The following SMYD3 variants were observed in gnomAD, a reference collection of about 807,000 sequenced individuals.
The protein encoded by SMYD3 is SET and MYND domain containing 3, also known as histone-lysine N-methyltransferase SMYD3.
In SMYD3, 36 loss-of-function variants were observed where a neutral mutation model predicts 57.7. The ratio of observed to expected loss-of-function variants is 0.62; its 90% CI spans 0.48 to 0.82. The LOEUF is 0.82. Among genes scored for constraint, SMYD3 ranks in the 40% least tolerant of loss-of-function variants. SMYD3 has a pLI of 0.00. For synonymous variants in SMYD3, 211 were observed against 195.0 expected (o/e 1.08, Z -0.68); for missense variants, 515 against 538.8 (o/e 0.96, Z 0.44).
intron 7 of SMYD3, among the ~76,000 whole-genome samples, chr1:245,923,990 G>A (rs911549948): frequency 2.6e-5 from 4 of 152,220 alleles, no homozygotes; most frequent in Non-Finnish European, 5.9e-5. Flanking sequence ...AAAGACATCA[G>A]ATTAAGACTG....
At chr1:246,453,861 T>C (rs915027240) in intron 1 of SMYD3, among the ~76,000 whole-genome samples, 1 of 152,170 alleles carries the variant, frequency 6.6e-6, no homozygotes, top group African/African-American at 2.4e-5. Context: ...TTCTGCAAAC[T>C]GTTAGTAAAT....
chr1:246,045,828 A>G (rs999269079), intron 5 of SMYD3, among the ~76,000 whole-genome samples: 1 of 152,226 alleles, frequency 6.6e-6, no homozygotes, highest in South Asian at 2.1e-4. Context: ...ATGAACAGAC[A>G]CTTCTCAAAA....
intron 5 of SMYD3, among the ~76,000 whole-genome samples, chr1:245,994,762 A>T (rs2058888975): frequency 6.6e-6 from 1 of 152,070 alleles, no homozygotes; most frequent in Admixed American, 6.5e-5. Flanking sequence ...ACTAGGTGGT[A>T]TGAAGTGAGA....
chr1:246,349,121 A>C (rs2065777970), intron 2 of SMYD3, among the ~76,000 whole-genome samples: 1 of 152,214 alleles, frequency 6.6e-6, no homozygotes, highest in African/African-American at 2.4e-5. Context: ...AAAATTATAA[A>C]GGTTAGAAAC....
At position 245,953,749 on chromosome 1, in the gene SMYD3, C is replaced by T. The variant is rs189849285; in HGVS notation, c.532-23812G>A. On this transcript the variant is annotated intron_variant, in intron 5 of 11. Coordinates refer to ENST00000490107, the MANE Select transcript of SMYD3 (RefSeq NM_001167740.2). ...GGGTTCAGTTTTTAAAAATAAACAG[C>T]AGCAACAACAAAAACCCCACATGTA... is the stretch of plus-strand genomic sequence containing the variant. Among the ~76,000 whole-genome samples the T allele has an allele frequency of 3.4e-3, 514 of 152,242 alleles. 2 individuals carry two copies. The highest frequency in any genetic ancestry group is 0.011 in the African/African-American group (474 of 41,542).
intron 10 of SMYD3, chr1:245,814,447 AT>A (rs2048674340): frequency 1.1e-6 from 1 of 896,314 alleles, no homozygotes; most frequent in African/African-American, 1.8e-5. Context: ...AAACGAAAAA[AT>A]AAACAATAAA....
At chr1:246,259,947 G>A (rs1368945863) in intron 5 of SMYD3, among the ~76,000 whole-genome samples, 1 of 152,208 alleles carries the variant, frequency 6.6e-6, no homozygotes, top group Non-Finnish European at 1.5e-5. Context: ...AAATCCAGAA[G>A]AGCTCTGCCT....
chr1:246,038,023 T>TGGC (rs1316975583), intron 5 of SMYD3, among the ~76,000 whole-genome samples: 1 of 152,192 alleles, frequency 6.6e-6, no homozygotes, highest in East Asian at 1.9e-4. Flanking sequence ...CAAATGAGTG[T>TGGC]GGCTGTGTTC....
chr1:246,221,983 T>C (rs151049667), intron 5 of SMYD3, among the ~76,000 whole-genome samples: 93 of 152,240 alleles, frequency 6.1e-4, no homozygotes, highest in South Asian at 2.3e-3. Flanking sequence ...ACAATTCACA[T>C]AGGGTTGAAT....
intron 5 of SMYD3, among the ~76,000 whole-genome samples, chr1:246,088,228 ACTCT>A (rs548985101): frequency 6.0e-5 from 9 of 150,168 alleles, no homozygotes; most frequent in South Asian, 2.1e-4. Context: ...ACACACACAC[ACTCT>A]CTCTCTCTTT....
intron 5 of SMYD3, among the ~76,000 whole-genome samples, chr1:246,234,824 A>C (rs2063488507): frequency 6.6e-6 from 1 of 152,182 alleles, no homozygotes; most frequent in South Asian, 2.1e-4. Flanking sequence ...CACAATTTGG[A>C]ACTAGAATTA....
At chr1:246,498,194 T>C (rs1368687119) in intron 1 of SMYD3, among the ~76,000 whole-genome samples, 2 of 152,238 alleles carry the variant, frequency 1.3e-5, no homozygotes, top group Admixed American at 6.5e-5. Flanking sequence ...ACCCTGAAGA[T>C]ACACCAGCAA....
At chr1:246,114,136 G>A (rs2061303967) in intron 5 of SMYD3, among the ~76,000 whole-genome samples, 1 of 151,452 alleles carries the variant, frequency 6.6e-6, no homozygotes, top group Non-Finnish European at 1.5e-5. Context: ...CTCTGACAGG[G>A]GACAGTTTTA....
intron 5 of SMYD3, among the ~76,000 whole-genome samples, chr1:245,939,102 C>G (rs570314934): frequency 6.6e-6 from 1 of 151,488 alleles, no homozygotes; most frequent in South Asian, 2.1e-4. Context: ...AAGATCACAC[C>G]ACTGCACTCC....
At chr1:246,390,839 C>G (rs1264342147) in intron 1 of SMYD3, among the ~76,000 whole-genome samples, 1 of 152,044 alleles carries the variant, frequency 6.6e-6, no homozygotes, top group Non-Finnish European at 1.5e-5. Flanking sequence ...GTGGGCAGTA[C>G]AGCACTAGAG....
intron 2 of SMYD3, among the ~76,000 whole-genome samples, chr1:246,347,743 A>G (rs2065747169): frequency 2.6e-5 from 4 of 152,084 alleles, no homozygotes; most frequent in African/African-American, 4.8e-5. Flanking sequence ...GAAGGCCCTC[A>G]CTACATATAG....
chr1:246,125,071 CAAAAAAAAAA>C (rs35080862), intron 5 of SMYD3, among the ~76,000 whole-genome samples: 10 of 121,696 alleles, frequency 8.2e-5, no homozygotes, highest in South Asian at 2.8e-4. Context: ...GACTCCGTCT[CAAAAAAAAAA>C]AAAAAAACAC....
At chr1:245,872,320 T>G (rs938545042) in intron 8 of SMYD3, among the ~76,000 whole-genome samples, 2 of 148,952 alleles carry the variant, frequency 1.3e-5, no homozygotes, top group Non-Finnish European at 3.0e-5. Context: ...AGCAGCTGCT[T>G]GCATCCTCGC....
At chr1:245,973,737 G>A (rs897397134) in intron 5 of SMYD3, among the ~76,000 whole-genome samples, 1 of 152,200 alleles carries the variant, frequency 6.6e-6, no homozygotes, top group Non-Finnish European at 1.5e-5. Context: ...GTTAGCCATG[G>A]CTAAAGAACA....
Sources: allele counts gnomAD v4.1 joint callset (sites outside exome capture counted in the v4.1 genomes callset), GRCh38; gene constraint gnomAD v4.1.1; transcripts MANE v1.5; gene names NCBI Gene and HGNC (gene_info 2026-07-23, HGNC 2026-07-21).